Variants in MYO18B observed in about 807,000 individuals in gnomAD.
MYO18B encodes the protein unconventional myosin-XVIIIb.
Under a neutral mutation model 273.0 loss-of-function variants are expected in MYO18B, and 204 were observed. The ratio of observed to expected loss-of-function variants is 0.75; its 90% CI spans 0.67 to 0.84. The LOEUF (loss-of-function observed/expected upper bound fraction) is 0.84. MYO18B is among the 40% of genes least tolerant of loss of function. The probability of loss-of-function intolerance (pLI) is 0.00; values close to 1 mark genes in which losing one functional copy is unlikely to be tolerated. For synonymous variants in MYO18B, 1,330 were observed against 1,305.7 expected, an observed-to-expected ratio of 1.02 and a Z score of -0.40; for missense variants, 3,212 against 3,287.6, an observed-to-expected ratio of 0.98 and a Z score of 0.56.
At chr22:25,748,643 G>A (rs1034414169) in intron 1 of MYO18B, among the ~76,000 whole-genome samples, 1 of 152,120 alleles carries the variant, frequency 6.6e-6, no homozygotes, top group South Asian at 2.1e-4. Flanking sequence ...CTCCCTGCCC[G>A]CCATTCTTCT....
intron 34 of MYO18B, among the ~76,000 whole-genome samples, chr22:25,934,040 AG>A (rs2092545753): frequency 6.6e-6 from 1 of 152,238 alleles, no homozygotes; most frequent in Non-Finnish European, 1.5e-5. Flanking sequence ...TTCCGAGGGA[AG>A]GAGAATATTT....
chr22:25,987,145 T>C (rs1280766376), intron 39 of MYO18B, among the ~76,000 whole-genome samples: 1 of 152,146 alleles, frequency 6.6e-6, no homozygotes, highest in Non-Finnish European at 1.5e-5. Context: ...CTGCAGAAAT[T>C]AACAAATGAG....
At chr22:25,844,852 G>A (rs1046382344) in intron 18 of MYO18B, among the ~76,000 whole-genome samples, 23 of 152,184 alleles carry the variant, frequency 1.5e-4, no homozygotes, top group African/African-American at 5.5e-4. Context: ...GATGACCCAG[G>A]TGGCACAGGT....
chr22:25,775,958 A>C (rs1435449580), intron 7 of MYO18B, among the ~76,000 whole-genome samples: 2 of 151,966 alleles, frequency 1.3e-5, no homozygotes, highest in Admixed American at 1.3e-4. Flanking sequence ...CATTTTTGAC[A>C]AAGGTGTATA....
chr22:25,835,114 G>A lies in MYO18B; in HGVS notation c.3061-182G>A, dbSNP rs1387560726. Among the ~76,000 whole-genome samples the A allele has an allele frequency of 2.0e-5, 3 of 152,326 alleles. No homozygotes were observed. The East Asian group carries it at 5.8e-4, about 29-fold the overall frequency. On this transcript the variant is annotated intron_variant, in intron 16 of 43. Coordinates refer to ENST00000335473, the MANE Select transcript of MYO18B (RefSeq NM_032608.7). Reference sequence around the variant, plus strand: ...GGATTCAGACAGTTTGCAAATGAGAGGTTGCTATAGCTTCAACACTGAGAG... The same window carrying A: ...GGATTCAGACAGTTTGCAAATGAGAAGTTGCTATAGCTTCAACACTGAGAG...
At chr22:26,038,110 A>G in the MYO18B span, among the ~76,000 whole-genome samples, 42 of 152,340 alleles carry the variant, frequency 2.8e-4, no homozygotes, top group South Asian at 8.3e-4. Context: ...GCAGACTTCA[A>G]CCTAGTGTTT....
chr22:25,743,152 A>G (rs2085678691), intron 1 of MYO18B, among the ~76,000 whole-genome samples: 1 of 152,206 alleles, frequency 6.6e-6, no homozygotes, highest in African/African-American at 2.4e-5. Context: ...TCAACCCGCA[A>G]GTGTGGGGAT....
chr22:25,788,922 C>T (rs935239327), intron 11 of MYO18B, among the ~76,000 whole-genome samples: 21 of 152,126 alleles, frequency 1.4e-4, no homozygotes, highest in African/African-American at 4.8e-4. Context: ...TTTTCCTTTT[C>T]GAAAACTAGG....
chr22:25,778,582 T>G (rs2087008030), intron 8 of MYO18B, among the ~76,000 whole-genome samples: 1 of 152,082 alleles, frequency 6.6e-6, no homozygotes, highest in Non-Finnish European at 1.5e-5. Flanking sequence ...AAGGCTTAAG[T>G]GATCCTCCCA....
chr22:25,912,617 A>G (rs1352181522), intron 33 of MYO18B, among the ~76,000 whole-genome samples: 1 of 152,244 alleles, frequency 6.6e-6, no homozygotes, highest in African/African-American at 2.4e-5. Context: ...AGCAGAACAA[A>G]TAATGTAATC....
At chr22:25,782,024 T>C (rs2087183317) in intron 10 of MYO18B, among the ~76,000 whole-genome samples, 190 bp downstream of exon 10, 1 of 152,248 alleles carries the variant, frequency 6.6e-6, no homozygotes, top group African/African-American at 2.4e-5. Flanking sequence ...TCACATGTCA[T>C]CCACCCTGAG....
rs147431883 is a variant in MYO18B at position 25,846,829 on chromosome 22, T to C, written c.3552+546T>C. ...GGGCGCAGAGGCTCACGCCTGTAAT[T>C]CCAGCACTTTGGGAGGCCAAGGCGG... is the stretch of plus-strand genomic sequence containing the variant. On this transcript the variant is annotated intron_variant, in intron 19 of 43. Coordinates refer to ENST00000335473, the MANE Select transcript of MYO18B (RefSeq NM_032608.7). Among the ~76,000 whole-genome samples the C allele has an allele frequency of 6.6e-4, 101 of 152,238 alleles. No individual in the cohort carries two copies. The East Asian group carries it at 0.019, about 29-fold the overall frequency.
In MYO18B at chr22:26,027,481, G is replaced by A. The variant is rs1936345784; in HGVS notation, c.7507G>A (p.Ala2503Thr). The A allele has an allele frequency of 4.3e-6, 7 of 1,613,862 alleles. No homozygotes were observed. Among genetic ancestry groups the A allele is most frequent in the Non-Finnish European group, 5.9e-6 (7 of 1,179,870 alleles). The change falls in exon 43 of 44, where the codon GCT (alanine) becomes ACT (threonine). Residue 2503 changes from alanine (A) to threonine (T), a missense_variant. Physicochemically the swap from Ala to Thr is moderately conservative, Grantham distance 58. Coordinates refer to ENST00000335473, the MANE Select transcript of MYO18B (RefSeq NM_032608.7). The surrounding 1 kb of genome is among the most constrained non-coding windows in gnomAD (Gnocchi z 4.1). ...GAGCCCGGAGCCCAAGGAGGATCCCGCTCACCTGTCTGACTCGTCCTCATC... is the reference window on the plus strand; with the variant it reads ...GAGCCCGGAGCCCAAGGAGGATCCCACTCACCTGTCTGACTCGTCCTCATC... ...KKSPEPKEDP[A>T]HLSDSSSSSG...
chr22:25,880,678 G>C (rs533877105), intron 25 of MYO18B, among the ~76,000 whole-genome samples: 61 of 152,308 alleles, frequency 4.0e-4, no homozygotes, highest in Non-Finnish European at 7.1e-4. Flanking sequence ...TAGGAAGGAG[G>C]GAAAGTCCCT....
chr22:25,853,244 G>A (rs764941101), intron 21 of MYO18B, among the ~76,000 whole-genome samples: 1 of 151,760 alleles, frequency 6.6e-6, no homozygotes, highest in Non-Finnish European at 1.5e-5. Flanking sequence ...ATGTGCCTGC[G>A]TGTGCCTGAG....
chr22:25,906,743 G>A (rs960056299), intron 31 of MYO18B, among the ~76,000 whole-genome samples: 2 of 152,164 alleles, frequency 1.3e-5, no homozygotes, highest in African/African-American at 2.4e-5. Context: ...TTACAGTCAC[G>A]GTGGAAGGGG....
chr22:25,769,421 CAG>C lies in MYO18B; in HGVS notation c.1507_1508del (p.Asp503ProfsTer4). ...GGCAAAGGAGGCCAGAGCAGAGACTCAGACCAGGTGAGGGGGCTGCGGCCCTG... is the reference window on the plus strand; with the variant it reads ...GGCAAAGGAGGCCAGAGCAGAGACTCACCAGGTGAGGGGGCTGCGGCCCTG... On this transcript the variant is annotated frameshift_variant, in exon 4 of 44. Transcript: ENST00000335473. LOFTEE classifies it high-confidence loss of function. 1 of 1,545,676 alleles carries C rather than the reference CAG, an allele frequency of 6.5e-7. No homozygotes were observed. Among genetic ancestry groups the C allele is most frequent in the Non-Finnish European group, 8.7e-7 (1 of 1,145,796 alleles).
intron 24 of MYO18B, among the ~76,000 whole-genome samples, chr22:25,876,630 C>CTTTATTTA (rs149628857): frequency 8.7e-5 from 13 of 149,686 alleles, no homozygotes; most frequent in East Asian, 2.0e-4. Flanking sequence ...TCTTTGAGTC[C>CTTTATTTA]TTTATTTATT....
In MYO18B at chr22:25,952,325, T is replaced by TC; in HGVS notation, c.5874dup (p.Thr1959HisfsTer16). ...GATGCGCATCGAGTACCTGGAACAG[T>TC]CCACCGTGGATCGAGCCATCGTCAG... is the stretch of plus-strand genomic sequence containing the variant. On this transcript the variant is annotated frameshift_variant, in exon 38 of 44. Coordinates refer to ENST00000335473, the MANE Select transcript of MYO18B (RefSeq NM_032608.7). LOFTEE classifies it high-confidence loss of function. 1.2e-6 allele frequency: 2 copies of TC among 1,611,656 alleles called. No individual in the cohort carries two copies. Among genetic ancestry groups the TC allele is most frequent in the Non-Finnish European group, 1.7e-6 (2 of 1,179,030 alleles).
Sources: gnomAD v4.1 joint callset for allele counts (sites outside exome capture counted in the v4.1 genomes callset) on GRCh38, gnomAD v4.1.1 for gene constraint, Gnocchi (gnomAD v3.1) non-coding constraint, MANE v1.5 for transcripts, NCBI Gene and HGNC (gene_info 2026-07-23, HGNC 2026-07-21) for gene names.